The following PCGF3 variants were observed in gnomAD, a reference collection of about 807,000 sequenced individuals.
PCGF3 encodes the protein polycomb group ring finger 3.
A neutral mutation model predicts 33.1 loss-of-function variants in PCGF3; 7 were observed. The observed-to-expected ratio is 0.21, with a 90% CI of 0.12 to 0.40. The LOEUF (loss-of-function observed/expected upper bound fraction) is 0.40, where lower values mean the gene tolerates loss of function less well. Among genes scored for constraint, PCGF3 ranks in the 10% least tolerant of loss-of-function variants. The probability of loss-of-function intolerance (pLI) is 1.00; values close to 1 mark genes in which losing one functional copy is unlikely to be tolerated. For synonymous variants in PCGF3, 153 were observed against 121.3 expected, an observed-to-expected ratio of 1.26 and a Z score of -1.72; for missense variants, 211 against 313.3, an observed-to-expected ratio of 0.67 and a Z score of 2.46.
At chr4:765,968 T>G (rs943930899) in intron 10 of PCGF3, 64 bp from the exon 11 acceptor site, 34 of 1,458,242 alleles carry the variant, frequency 2.3e-5, no homozygotes, top group Non-Finnish European at 3.1e-5. Flanking sequence ...CCCTTCCCGA[T>G]GAAGTAGGTC....
At chr4:739,787 A>G (rs1744006446) in intron 6 of PCGF3, among the ~76,000 whole-genome samples, 1 of 152,206 alleles carries the variant, frequency 6.6e-6, no homozygotes, top group South Asian at 2.1e-4. Context: ...CGTCCACCTC[A>G]GCACGCTCTT....
chr4:765,124 T>C, intron 10 of PCGF3, 60 bp downstream of exon 10: 1 of 1,183,958 alleles, frequency 8.4e-7, no homozygotes, highest in Non-Finnish European at 1.3e-6. Flanking sequence ...TTGCTGTGCA[T>C]CTCTTATCTA....
chr4:767,514 T>C (rs1207506300), exon 11 of PCGF3: 1 of 152,208 alleles, frequency 6.6e-6, no homozygotes, highest in East Asian at 1.9e-4. Flanking sequence ...TTGGCCACCA[T>C]TCAGGCTTTC....
chr4:712,621 T>C (rs1742624571), intron 1 of PCGF3, among the ~76,000 whole-genome samples: 1 of 152,176 alleles, frequency 6.6e-6, no homozygotes, highest in Non-Finnish European at 1.5e-5. Flanking sequence ...TAAGTTTTTG[T>C]ATTTTTAGTA....
chr4:730,267 C>T (rs960997356), intron 1 of PCGF3, among the ~76,000 whole-genome samples: 1 of 152,170 alleles, frequency 6.6e-6, no homozygotes, highest in East Asian at 1.9e-4. Context: ...TGAGGTCTTG[C>T]ATTTGCCCAG....
chr4:721,870 T>G lies in PCGF3; in HGVS notation c.-189-8760T>G, dbSNP rs1165471711. ...GTGTGGAAAGAGGCCTGTGGGAGAC[T>G]GGTGGATGGGTGGCTCTGCGTGTGG... On this transcript the variant is annotated intron_variant, in intron 1 of 10. Transcript: ENST00000362003. The surrounding 1 kb of genome is among the most constrained non-coding windows in gnomAD (Gnocchi z 4.1). Among the ~76,000 whole-genome samples the G allele has an allele frequency of 7.7e-6, 1 of 130,346 alleles. No individual in the cohort carries two copies. Among genetic ancestry groups the G allele is most frequent in the Non-Finnish European group, 1.6e-5 (1 of 62,790 alleles). 85.5% of individuals were successfully genotyped at this position (130,346 alleles called of 152,430 possible).
chr4:756,385 G>T (rs1215095210), intron 8 of PCGF3, among the ~76,000 whole-genome samples: 1 of 151,488 alleles, frequency 6.6e-6, no homozygotes, highest in Non-Finnish European at 1.5e-5. Flanking sequence ...GCTAATTTTT[G>T]TATTTTTATT....
chr4:730,448 G>A (rs1470383017), intron 1 of PCGF3, among the ~76,000 whole-genome samples, 182 bp from the exon 2 acceptor site: 1 of 152,130 alleles, frequency 6.6e-6, no homozygotes, highest in Non-Finnish European at 1.5e-5. Flanking sequence ...ACGCCCGACA[G>A]GCACCGAGAC....
chr4:733,155 C>T lies in PCGF3; in HGVS notation c.-9-517C>T, dbSNP rs771763853. ...CAGCCTCAGGAGACACCGTGGAAGC[C>T]GCGCCGGCCCCACAAGTGAATGGGG... On this transcript the variant is annotated intron_variant, in intron 3 of 10. Coordinates refer to ENST00000362003, the Ensembl canonical transcript of PCGF3. Among the ~76,000 whole-genome samples the T allele has an allele frequency of 1.5e-4, 23 of 152,124 alleles. No homozygotes were observed. The South Asian group carries it at 1.7e-3, about 11-fold the overall frequency.
intron 8 of PCGF3, among the ~76,000 whole-genome samples, chr4:758,410 CT>C (rs1348531794): frequency 6.9e-6 from 1 of 145,958 alleles, no homozygotes; most frequent in East Asian, 2.1e-4. Flanking sequence ...GACTCCGGGT[CT>C]TTCTCCCCGC....
chr4:735,423 A>G (rs1453016990), intron 5 of PCGF3, among the ~76,000 whole-genome samples: 2 of 152,200 alleles, frequency 1.3e-5, no homozygotes, highest in Non-Finnish European at 2.9e-5. Flanking sequence ...GTGCATGCCT[A>G]TAATCCCATC....
At chr4:714,575 T>A (rs1742723126) in intron 1 of PCGF3, among the ~76,000 whole-genome samples, 1 of 152,116 alleles carries the variant, frequency 6.6e-6, no homozygotes. Flanking sequence ...TGAACCAGAG[T>A]CAGCCAGGGC....
chr4:748,202 CTT>C (rs34436446), intron 8 of PCGF3, among the ~76,000 whole-genome samples: 63 of 147,082 alleles, frequency 4.3e-4, no homozygotes, highest in Middle Eastern at 3.5e-3. Flanking sequence ...GTCTAGAGAA[CTT>C]TTTTTTTTTT....
intron 5 of PCGF3, among the ~76,000 whole-genome samples, chr4:736,540 G>GA (rs1743836427): frequency 7.7e-6 from 1 of 130,176 alleles, no homozygotes; most frequent in Admixed American, 7.4e-5. Context: ...AGGATGCAGG[G>GA]AACCTGGGGT....
At position 761,268 on chromosome 4, in the gene PCGF3, C is replaced by T. The variant is rs147938573; in HGVS notation, c.463-11C>T. The T allele has an allele frequency of 4.4e-6, 7 of 1,573,712 alleles. No individual in the cohort carries two copies. In the East Asian group the frequency reaches 6.9e-5, roughly 15 times the overall value. On this transcript the variant is annotated splice_polypyrimidine_tract_variant and intron_variant, in intron 8 of 10. Coordinates refer to ENST00000362003, the Ensembl canonical transcript of PCGF3. ...CTCCTGCTGCGCTCTCACCAGCGTC[C>T]TTTCCCGCAGGTGAGCATCTGCCTG...
intron 8 of PCGF3, among the ~76,000 whole-genome samples, chr4:758,398 C>T (rs1330362402): frequency 6.9e-6 from 1 of 145,970 alleles, no homozygotes; most frequent in Non-Finnish European, 1.5e-5. Context: ...CTTCTCCTTC[C>T]GGACTCCGGG....
intron 1 of PCGF3, among the ~76,000 whole-genome samples, chr4:713,549 A>G (rs374332612): frequency 3.1e-5 from 4 of 128,872 alleles, no homozygotes; most frequent in African/African-American, 6.2e-5. Context: ...TGGCCTCGTC[A>G]GGGCTGTGGC....
intron 6 of PCGF3, among the ~76,000 whole-genome samples, chr4:741,944 C>T (rs1004294239): frequency 4.6e-5 from 7 of 152,136 alleles, no homozygotes; most frequent in African/African-American, 1.7e-4. Context: ...TGCTGTCAGC[C>T]CCTGTCTTGC....
intron 8 of PCGF3, among the ~76,000 whole-genome samples, chr4:748,267 C>T (rs1330644488): frequency 2.0e-5 from 3 of 151,846 alleles, no homozygotes; most frequent in Admixed American, 6.6e-5. Flanking sequence ...TGGCACCATC[C>T]CGGCTCACTG....
Sources: gnomAD v4.1 joint callset for allele counts (sites outside exome capture counted in the v4.1 genomes callset) on GRCh38, gnomAD v4.1.1 for gene constraint, Gnocchi (gnomAD v3.1) non-coding constraint, MANE v1.5 for transcripts, NCBI Gene and HGNC (gene_info 2026-07-23, HGNC 2026-07-21) for gene names.